SRRM1: variants seen among roughly 807,000 people sequenced by gnomAD.
SRRM1 encodes serine/arginine repetitive matrix protein 1.
SRRM1 carries 19 observed loss-of-function variants against 110.2 expected under a neutral mutation model. The observed-to-expected ratio is 0.17, with a 90% CI of 0.12 to 0.25. The LOEUF (loss-of-function observed/expected upper bound fraction) is 0.25, where lower values mean the gene tolerates loss of function less well. Ranked by LOEUF, SRRM1 falls within the 10% of genes least tolerant of loss-of-function variation. The pLI is 1.00. For missense variants in SRRM1, 918 were observed against 1,145.8 expected, an observed-to-expected ratio of 0.80 and a Z score of 2.87; for synonymous variants, 443 against 414.9, an observed-to-expected ratio of 1.07 and a Z score of -0.82.
intron 9 of SRRM1, among the ~76,000 whole-genome samples, chr1:24,657,470 T>C (rs560865368): frequency 1.7e-4 from 26 of 152,326 alleles, no homozygotes; most frequent in Admixed American, 1.4e-3. Flanking sequence ...CTCTATCTGG[T>C]AGTATGATTT....
rs892625380 is a variant in SRRM1 at position 24,655,001 on chromosome 1, G to A, written c.1187G>A (p.Arg396Lys). 6.2e-7 allele frequency: 1 copy of A among 1,614,012 alleles called. No individual in the cohort carries two copies. Among genetic ancestry groups the A allele is most frequent in the African/African-American group, 1.3e-5 (1 of 74,902 alleles). ...RRLSPSASPP[R>K]RRHRPSPPAT... ...TTATCTCCTTCAGCAAGTCCTCCAA[G>A]GCGAAGGCACAGGCCATCACCTCCT... Residue 396 changes from arginine to lysine, a missense_variant, in exon 9 of 17, where the codon AGG becomes AAG. Around this residue, in one of 5 missense-constraint regions of SRRM1, gnomAD observed 456 missense variants for 453.5 expected, o/e 1.01. Transcript: ENST00000323848.
intron 12 of SRRM1, chr1:24,663,086 A>G (rs1189639526): frequency 8.5e-6 from 10 of 1,170,144 alleles, no homozygotes; most frequent in African/African-American, 6.2e-5. Context: ...ACATCTTTGA[A>G]TATTTAAAAA....
chr1:24,644,245 G>T (rs1454873727), intron 1 of SRRM1, among the ~76,000 whole-genome samples: 1 of 152,130 alleles, frequency 6.6e-6, no homozygotes, highest in Non-Finnish European at 1.5e-5. Context: ...GCTGGAGCCT[G>T]TGTGTCCCAT....
rs375922682 is a variant in SRRM1 at position 24,666,845 on chromosome 1, A to G, written c.1659A>G (p.Pro553=). The stretch of plus-strand genomic sequence containing the variant: ...GACGGAGGAGAAGTCCATCCCCACC[A>G]CCCACCAGAAGGCGACGGTCTCCTT... ...RGRRRRSPSP[P]PTRRRRSPSP... Residue 553 remains proline (P), a synonymous_variant, in exon 13 of 17, where the codon CCA becomes CCG. Coordinates refer to ENST00000323848, the MANE Select transcript of SRRM1 (RefSeq NM_005839.4). The G allele has an allele frequency of 3.3e-5, 53 of 1,613,122 alleles. No homozygotes were observed. The highest frequency in any genetic ancestry group is 4.3e-5 in the Non-Finnish European group (51 of 1,179,688).
At position 24,670,805 on chromosome 1, in the gene SRRM1, G is replaced by A. The variant is rs189502498; in HGVS notation, c.2400+490G>A. Reference sequence around the variant, plus strand: ...ACTGAATAGTTGTGCAAGCTAACTTGTGAGGAATTTTAAGTAATTGCTTAG... The same window carrying A: ...ACTGAATAGTTGTGCAAGCTAACTTATGAGGAATTTTAAGTAATTGCTTAG... On this transcript the variant is annotated intron_variant, in intron 15 of 16. Transcript: ENST00000323848. Among the ~76,000 whole-genome samples the A allele has an allele frequency of 1.0e-3, 156 of 152,320 alleles. 1 individual carries two copies. Among genetic ancestry groups the A allele is most frequent in the African/African-American group, 3.6e-3 (151 of 41,552 alleles).
At chr1:24,665,149 G>A (rs1274404767) in intron 12 of SRRM1, among the ~76,000 whole-genome samples, 7 of 152,162 alleles carry the variant, frequency 4.6e-5, no homozygotes, top group East Asian at 1.9e-4. Context: ...GATAGAGGCC[G>A]GGTGCGGTGG....
At chr1:24,658,336 G>A (rs574854235) in intron 9 of SRRM1, among the ~76,000 whole-genome samples, 2 of 151,428 alleles carry the variant, frequency 1.3e-5, no homozygotes, top group African/African-American at 4.9e-5. Flanking sequence ...TCAGCCTCAC[G>A]AGTAGCTGGG....
intron 11 of SRRM1, among the ~76,000 whole-genome samples, chr1:24,662,309 A>G (rs532815185): frequency 7.3e-4 from 111 of 152,276 alleles, no homozygotes; most frequent in African/African-American, 1.9e-3. Context: ...TTAGTTAGGC[A>G]TGATGGTGCA....
chr1:24,670,552 A>G (rs935071255), intron 15 of SRRM1, among the ~76,000 whole-genome samples: 1 of 152,166 alleles, frequency 6.6e-6, no homozygotes, highest in Non-Finnish European at 1.5e-5. Flanking sequence ...CGCTGAGTGC[A>G]GTGGGATGAT....
chr1:24,652,883 T>C lies in SRRM1; in HGVS notation c.921-30T>C, dbSNP rs534478249. 6.7e-5 allele frequency: 107 copies of C among 1,604,798 alleles called. No homozygotes were observed. In the East Asian group the frequency reaches 1.8e-3, roughly 27 times the overall value. On this transcript the variant is annotated intron_variant, in intron 7 of 16. Coordinates refer to ENST00000323848, the MANE Select transcript of SRRM1 (RefSeq NM_005839.4). ...CAAGAAATTCCTCACTCCTGGTTTATTCAGGACCTAATTCTCTTTGTTATG... is the reference window on the plus strand; with the variant it reads ...CAAGAAATTCCTCACTCCTGGTTTACTCAGGACCTAATTCTCTTTGTTATG...
chr1:24,669,262 C>A lies in SRRM1; in HGVS notation c.1879C>A (p.Pro627Thr). 6.2e-7 allele frequency: 1 copy of A among 1,614,194 alleles called. No individual in the cohort carries two copies. The highest frequency in any genetic ancestry group is 8.5e-7 in the Non-Finnish European group (1 of 1,180,052). The change falls in exon 14 of 17, where the codon CCA becomes ACA. Residue 627 changes from proline to threonine, a missense_variant. Pro to Thr is a conservative substitution (Grantham distance 38). Coordinates refer to ENST00000323848, the MANE Select transcript of SRRM1 (RefSeq NM_005839.4). ...TCCCCCTCCTAAACGAAGAGCATCA[C>A]CATCTCCACCACCAAAGCGGCGGGT... The part of the protein sequence containing the change: ...PPPPPKRRAS[P>T]SPPPKRRVSH...
chr1:24,643,490 C>A (rs969470072), intron 1 of SRRM1, 143 bp downstream of exon 1: 6 of 575,958 alleles, frequency 1.0e-5, no homozygotes, highest in Non-Finnish European at 1.5e-5. Context: ...GCACCCCCCC[C>A]CCCCCCGTGC....
intron 4 of SRRM1, among the ~76,000 whole-genome samples, chr1:24,649,646 A>G (rs893099403): frequency 2.6e-5 from 4 of 152,250 alleles, no homozygotes; most frequent in Non-Finnish European, 5.9e-5. Context: ...ATGAACTCCC[A>G]GAAAGAATAA....
rs1657408626 is a variant in SRRM1 at position 24,646,157 on chromosome 1, TA to T, written c.111+86del. The T allele has an allele frequency of 3.0e-6, 3 of 987,570 alleles. No homozygotes were observed. The East Asian group carries it at 7.3e-5, about 24-fold the overall frequency. The allele number at this position is 987,570 out of a possible 1,614,324, so 61.2% of individuals were successfully genotyped here. A position where few individuals can be genotyped will look rare whatever the true frequency, so the allele number is the denominator to read the frequency against. ...CTGGGGTTGTTTTGGAGATGCATTGTAACTTGAATGCTAAGAAAAACATAAT... is the reference window on the plus strand; with the variant it reads ...CTGGGGTTGTTTTGGAGATGCATTGTACTTGAATGCTAAGAAAAACATAAT... On this transcript the variant is annotated intron_variant, in intron 2 of 16. Transcript: ENST00000323848.
intron 4 of SRRM1, 83 bp from the exon 5 acceptor site, chr1:24,649,888 G>A: frequency 8.3e-7 from 1 of 1,208,216 alleles, no homozygotes. Context: ...TAATAGCATT[G>A]GTGTTTAACA....
chr1:24,667,397 T>G (rs537794902), intron 13 of SRRM1, among the ~76,000 whole-genome samples: 28 of 152,338 alleles, frequency 1.8e-4, no homozygotes, highest in African/African-American at 6.0e-4. Context: ...TATTGACTAG[T>G]AATTGTAAAG....
At chr1:24,652,179 C>T (rs892486248) in intron 6 of SRRM1, among the ~76,000 whole-genome samples, 6 of 149,962 alleles carry the variant, frequency 4.0e-5, no homozygotes, top group African/African-American at 1.5e-4. Flanking sequence ...AAAATCATGC[C>T]AGTACACTCC....
chr1:24,661,233 A>T, intron 10 of SRRM1, 77 bp from the exon 11 acceptor site: 1 of 983,356 alleles, frequency 1.0e-6, no homozygotes, highest in Non-Finnish European at 1.6e-6. Flanking sequence ...GGTTTGAGAG[A>T]CTATTTTCCT....
intron 13 of SRRM1, among the ~76,000 whole-genome samples, chr1:24,668,558 A>G (rs911056160): frequency 2.0e-5 from 3 of 152,208 alleles, no homozygotes; most frequent in African/African-American, 7.2e-5. Flanking sequence ...TTTGGCCTGA[A>G]AAGTGGCCTT....
Sources: allele counts gnomAD v4.1 joint callset (sites outside exome capture counted in the v4.1 genomes callset), GRCh38; gene constraint gnomAD v4.1.1; regional missense constraint gnomAD v4.1.1; transcripts MANE v1.5; gene names NCBI Gene and HGNC (gene_info 2026-07-23, HGNC 2026-07-21).